Variants in ATP6V1G3 observed in about 807,000 individuals in gnomAD.
ATP6V1G3 encodes the protein ATPase H+ transporting V1 subunit G3.
Under a neutral mutation model 9.3 loss-of-function variants are expected in ATP6V1G3, and 9 were observed. The observed-to-expected ratio is 0.97, with a 90% CI of 0.59 to 1.69. ATP6V1G3 has a LOEUF of 1.69. Among genes scored for constraint, ATP6V1G3 ranks in the 40% most tolerant of loss-of-function variants. ATP6V1G3 has a pLI of 0.00. For synonymous variants in ATP6V1G3, 43 were observed against 43.8 expected (o/e 0.98, Z 0.07); for missense variants, 133 against 139.0 (o/e 0.96, Z 0.22).
At chr1:198,525,850 T>C (rs1659632797) in intron 2 of ATP6V1G3, among the ~76,000 whole-genome samples, 1 of 152,130 alleles carries the variant, frequency 6.6e-6, no homozygotes, top group Admixed American at 6.6e-5. Context: ...GTTGAATTCT[T>C]AATGTGGCTT....
intron 1 of ATP6V1G3, among the ~76,000 whole-genome samples, chr1:198,534,964 C>T (rs143142845): frequency 6.6e-6 from 1 of 152,292 alleles, no homozygotes; most frequent in African/African-American, 2.4e-5. Context: ...GTGACTGTCA[C>T]TGCTAGAGCT....
At chr1:198,535,400 AT>A (rs1322121245) in intron 1 of ATP6V1G3, among the ~76,000 whole-genome samples, 1 of 152,130 alleles carries the variant, frequency 6.6e-6, no homozygotes, top group Non-Finnish European at 1.5e-5. Context: ...ATATATGCAT[AT>A]TTGGAAGCAA....
intron 1 of ATP6V1G3, among the ~76,000 whole-genome samples, chr1:198,529,393 A>G (rs1659802771): frequency 6.6e-6 from 1 of 151,602 alleles, no homozygotes; most frequent in Non-Finnish European, 1.5e-5. Context: ...AAACTTTGCT[A>G]AAAAAATAGA....
chr1:198,527,797 A>G (rs1659717277), intron 2 of ATP6V1G3, among the ~76,000 whole-genome samples: 1 of 152,184 alleles, frequency 6.6e-6, no homozygotes, highest in African/African-American at 2.4e-5. Context: ...GCAAAAAACA[A>G]TATAAAATAT....
intron 1 of ATP6V1G3, among the ~76,000 whole-genome samples, chr1:198,539,890 G>A (rs1660275465): frequency 6.6e-6 from 1 of 152,132 alleles, no homozygotes; most frequent in African/African-American, 2.4e-5. Flanking sequence ...AGTTCATTGA[G>A]GACATTCTAT....
At chr1:198,536,007 T>TC (rs896222058) in intron 1 of ATP6V1G3, among the ~76,000 whole-genome samples, 16 of 151,836 alleles carry the variant, frequency 1.1e-4, no homozygotes, top group African/African-American at 2.4e-4. Flanking sequence ...ACATTTTTTT[T>TC]TGCTATTTCT....
chr1:198,540,708 A>G, upstream of ATP6V1G3: 1 of 1,476,956 alleles, frequency 6.8e-7, no homozygotes, highest in South Asian at 1.1e-5. Flanking sequence ...GGGTTCATTT[A>G]TTCTTTTAGA....
At chr1:198,539,753 A>G (rs1489098836) in intron 1 of ATP6V1G3, among the ~76,000 whole-genome samples, 7 of 152,246 alleles carry the variant, frequency 4.6e-5, no homozygotes, top group African/African-American at 1.7e-4. Context: ...GGTGCCTGGC[A>G]CAATATTTTC....
intron 2 of ATP6V1G3, among the ~76,000 whole-genome samples, chr1:198,524,731 A>G (rs1659590526): frequency 6.6e-6 from 1 of 152,170 alleles, no homozygotes; most frequent in Non-Finnish European, 1.5e-5. Flanking sequence ...AAAAAAATCA[A>G]CTCCTAACGT....
At chr1:198,526,388 G>T (rs1034045609) in intron 2 of ATP6V1G3, among the ~76,000 whole-genome samples, 3 of 152,072 alleles carry the variant, frequency 2.0e-5, no homozygotes, top group Non-Finnish European at 4.4e-5. Context: ...AGATATCTTG[G>T]ATATTACAGA....
chr1:198,527,174 A>G (rs768913533), intron 2 of ATP6V1G3, among the ~76,000 whole-genome samples: 4 of 152,150 alleles, frequency 2.6e-5, no homozygotes, highest in Non-Finnish European at 4.4e-5. Context: ...TAATGAGGAT[A>G]AGATTTAAGT....
chr1:198,536,737 G>T (rs1660128095), intron 1 of ATP6V1G3: 1 of 1,594,414 alleles, frequency 6.3e-7, no homozygotes, highest in Non-Finnish European at 8.6e-7. Flanking sequence ...TACAGCAGGG[G>T]TAAAAACAAA....
At chr1:198,530,008 G>C (rs191614920) in intron 1 of ATP6V1G3, among the ~76,000 whole-genome samples, 6 of 151,940 alleles carry the variant, frequency 3.9e-5, no homozygotes, top group Non-Finnish European at 7.4e-5. Flanking sequence ...AGTTTGGGGG[G>C]GGTTACAGAC....
chr1:198,523,372 TGAAA>T lies in ATP6V1G3; in HGVS notation c.*15_*18del, dbSNP rs1344593910. The T allele has an allele frequency of 1.9e-6, 3 of 1,603,542 alleles. No individual in the cohort carries two copies. The highest frequency in any genetic ancestry group is 1.7e-5 in the Admixed American group (1 of 58,050). On this transcript the variant is annotated 3_prime_UTR_variant, in exon 3 of 3. Coordinates refer to ENST00000367382, the MANE Select transcript of ATP6V1G3 (RefSeq NM_001376861.1). ...GGCACTCACACACCTTTTTTTTTCT[TGAAA>T]ACTGTGATGTACATTTAGTTGGTGG...
intron 1 of ATP6V1G3, chr1:198,536,747 A>T (rs769746086): frequency 6.4e-7 from 1 of 1,567,032 alleles, no homozygotes; most frequent in Non-Finnish European, 8.8e-7. Context: ...GTAAAAACAA[A>T]TGGAATGAGA....
chr1:198,537,197 C>A (rs1271227947), intron 1 of ATP6V1G3, among the ~76,000 whole-genome samples: 1 of 152,128 alleles, frequency 6.6e-6, no homozygotes, highest in Non-Finnish European at 1.5e-5. Flanking sequence ...ACATCAGGTT[C>A]ATAATCCCTT....
At position 198,528,976 on chromosome 1, in the gene ATP6V1G3, C is replaced by T. The variant is rs1659774457; in HGVS notation, c.183+105G>A. On this transcript the variant is annotated intron_variant, in intron 2 of 2. Transcript: ENST00000367382. ...GTTCAGCTTGATTGAACTATATCTG[C>T]TCAATTGCAGCATATTTTTTTCTGT... is the stretch of plus-strand genomic sequence containing the variant. 3 of 428,060 alleles carry T rather than the reference C, an allele frequency of 7.0e-6. No individual in the cohort carries two copies. In the East Asian group the frequency reaches 1.6e-4, roughly 23 times the overall value. The allele number at this position is 428,060 out of a possible 1,614,324, so 26.5% of individuals were successfully genotyped here. A position where few individuals can be genotyped will look rare whatever the true frequency, so the allele number is the denominator to read the frequency against.
rs374367261 is a variant in ATP6V1G3, at chr1:198,523,341, C to T, written c.*50G>A. The T allele has an allele frequency of 6.4e-7, 1 of 1,552,430 alleles. No homozygotes were observed. Among genetic ancestry groups the T allele is most frequent in the Non-Finnish European group, 8.7e-7 (1 of 1,144,618 alleles). ...CATAAAAATACGAAGCCATAAGCAACCAGGTGGCACTCACACACCTTTTTT... is the reference window on the plus strand; with the variant it reads ...CATAAAAATACGAAGCCATAAGCAATCAGGTGGCACTCACACACCTTTTTT... On this transcript the variant is annotated 3_prime_UTR_variant, in exon 3 of 3. Coordinates refer to ENST00000367382, the MANE Select transcript of ATP6V1G3 (RefSeq NM_001376861.1).
chr1:198,536,589 C>T, intron 1 of ATP6V1G3: 3 of 1,125,466 alleles, frequency 2.7e-6, no homozygotes, highest in Non-Finnish European at 3.8e-6. Context: ...GGCAGTTTTG[C>T]ACATAAAAAT....
Sources: allele counts gnomAD v4.1 joint callset (sites outside exome capture counted in the v4.1 genomes callset), GRCh38; gene constraint gnomAD v4.1.1; transcripts MANE v1.5; gene names NCBI Gene and HGNC (gene_info 2026-07-23, HGNC 2026-07-21).